CNTN5: variants seen among roughly 807,000 people sequenced by gnomAD.
CNTN5 encodes the protein contactin-5.
CNTN5 carries 77 observed loss-of-function variants against 129.1 expected under a neutral mutation model. That is an observed-to-expected ratio of 0.60 (90% confidence interval 0.50 to 0.72). The LOEUF is 0.72. CNTN5 is among the 30% of genes least tolerant of loss of function. The pLI, the probability that CNTN5 is intolerant of heterozygous loss-of-function variation, is 0.00. For synonymous variants in CNTN5, 509 were observed against 465.6 expected (o/e 1.09, Z -1.20); for missense variants, 1,478 against 1,328.8 (o/e 1.11, Z -1.75).
chr11:100,135,171 A>AAAG (rs1302009320), intron 13 of CNTN5, among the ~76,000 whole-genome samples: 4 of 146,144 alleles, frequency 2.7e-5, no homozygotes, highest in African/African-American at 1.0e-4. Context: ...GTTGGATATA[A>AAAG]AAGTGTTTTT....
At chr11:99,985,029 C>G (rs1392245404) in intron 8 of CNTN5, among the ~76,000 whole-genome samples, 1 of 152,122 alleles carries the variant, frequency 6.6e-6, no homozygotes, top group Non-Finnish European at 1.5e-5. Context: ...AGGGTGCCTG[C>G]AACGGTGAAG....
chr11:99,396,471 T>C (rs1283292480), intron 2 of CNTN5, among the ~76,000 whole-genome samples: 1 of 151,622 alleles, frequency 6.6e-6, no homozygotes, highest in Non-Finnish European at 1.5e-5. Flanking sequence ...CCTGTTTTTA[T>C]AAACCCCAGT....
chr11:100,129,965 G>A (rs944712034), intron 13 of CNTN5, among the ~76,000 whole-genome samples: 2 of 152,022 alleles, frequency 1.3e-5, no homozygotes, highest in Admixed American at 1.3e-4. Context: ...AACCTGATTA[G>A]TACAACTTTC....
intron 1 of CNTN5, among the ~76,000 whole-genome samples, chr11:99,243,672 C>T (rs1187181972): frequency 6.6e-6 from 1 of 150,488 alleles, no homozygotes; most frequent in Non-Finnish European, 1.5e-5. Flanking sequence ...TTTTATTCTT[C>T]TGCATATAGT....
In CNTN5 at chr11:99,582,851, G is replaced by T. The variant is rs1268724068; in HGVS notation, c.55+26582G>T. Among the ~76,000 whole-genome samples the T allele has an allele frequency of 2.0e-5, 3 of 152,154 alleles. 1 individual carries two copies. On this transcript the variant is annotated intron_variant, in intron 3 of 24. Transcript: ENST00000524871. ...TCAAAGTCATTCCCTGTCCAGCTTTGTTCCATTGCTGGTGAGGAGCTGTGT... is the reference window on the plus strand; with the variant it reads ...TCAAAGTCATTCCCTGTCCAGCTTTTTTCCATTGCTGGTGAGGAGCTGTGT...
intron 3 of CNTN5, among the ~76,000 whole-genome samples, chr11:99,662,277 G>A (rs1391776665): frequency 6.6e-6 from 1 of 152,074 alleles, no homozygotes; most frequent in Non-Finnish European, 1.5e-5. Context: ...TGACTAATAA[G>A]GGGGGATTGA....
intron 2 of CNTN5, among the ~76,000 whole-genome samples, chr11:99,425,725 G>C (rs7481294): frequency 0.86 from 131,375 of 152,232 alleles, 56,779 homozygotes; most frequent in East Asian, 0.94. Context: ...CAGGGATGCC[G>C]AGGTCTGCAG....
intron 3 of CNTN5, among the ~76,000 whole-genome samples, chr11:99,650,163 CTT>C (rs1952100980): frequency 6.6e-6 from 1 of 151,830 alleles, no homozygotes; most frequent in Non-Finnish European, 1.5e-5. Flanking sequence ...CAAGTTGAAT[CTT>C]AATATTACAG....
intron 15 of CNTN5, among the ~76,000 whole-genome samples, chr11:100,203,923 C>A (rs1162187644): frequency 6.6e-6 from 1 of 151,604 alleles, no homozygotes; most frequent in Non-Finnish European, 1.5e-5. Context: ...CATAATAATT[C>A]TCTGAAAATA....
intron 2 of CNTN5, among the ~76,000 whole-genome samples, chr11:99,377,367 A>T (rs1940247139): frequency 6.6e-6 from 1 of 152,086 alleles, no homozygotes; most frequent in Non-Finnish European, 1.5e-5. Context: ...TTAAAAGTCT[A>T]TGAAATTGTT....
chr11:99,064,852 A>C, intron 1 of CNTN5, among the ~76,000 whole-genome samples: 1 of 152,154 alleles, frequency 6.6e-6, no homozygotes, highest in Non-Finnish European at 1.5e-5. Context: ...TATTTTTATT[A>C]AAAATTACCT....
At chr11:100,354,288 T>C (rs1952478534) in intron 24 of CNTN5, among the ~76,000 whole-genome samples, 1 of 151,676 alleles carries the variant, frequency 6.6e-6, no homozygotes, top group Admixed American at 6.6e-5. Flanking sequence ...GAAGAACCAC[T>C]CCTGATGTTA....
At chr11:99,710,524 T>C (rs1954931360) in intron 3 of CNTN5, among the ~76,000 whole-genome samples, 2 of 151,594 alleles carry the variant, frequency 1.3e-5, no homozygotes, top group South Asian at 4.2e-4. Context: ...GCATGGCCCC[T>C]ACTGCAGAGT....
intron 1 of CNTN5, among the ~76,000 whole-genome samples, chr11:99,228,548 A>G (rs79452193): frequency 0.017 from 2,656 of 152,238 alleles, 43 homozygotes; most frequent in African/African-American, 0.038. Flanking sequence ...AATACCTTGA[A>G]TCGATCATTA....
At chr11:99,471,964 G>A (rs573277526) in intron 2 of CNTN5, among the ~76,000 whole-genome samples, 2 of 151,944 alleles carry the variant, frequency 1.3e-5, no homozygotes, top group Admixed American at 1.3e-4. Context: ...TATGTCACAG[G>A]GACCAAGATA....
At chr11:100,355,303 C>A (rs542813306) in intron 24 of CNTN5, among the ~76,000 whole-genome samples, 1 of 151,624 alleles carries the variant, frequency 6.6e-6, no homozygotes, top group Non-Finnish European at 1.5e-5. Context: ...ATCAGTCTTC[C>A]ATCTCCACAT....
intron 1 of CNTN5, among the ~76,000 whole-genome samples, chr11:99,088,739 A>G (rs1224132367): frequency 6.6e-6 from 1 of 152,184 alleles, no homozygotes; most frequent in African/African-American, 2.4e-5. Context: ...GGGAAAAAAG[A>G]AATCACTGCA....
At chr11:100,177,414 A>G (rs1197711491) in intron 13 of CNTN5, among the ~76,000 whole-genome samples, 3 of 152,068 alleles carry the variant, frequency 2.0e-5, no homozygotes, top group African/African-American at 7.2e-5. Flanking sequence ...GTGGTACCTG[A>G]GGGTAGGAAC....
chr11:99,723,795 T>C (rs1943250513), intron 3 of CNTN5, among the ~76,000 whole-genome samples: 1 of 151,438 alleles, frequency 6.6e-6, no homozygotes, highest in African/African-American at 2.4e-5. Flanking sequence ...TGCGCACGCG[T>C]GTGTGTTTTG....
Sources: allele counts gnomAD v4.1 joint callset (sites outside exome capture counted in the v4.1 genomes callset), GRCh38; gene constraint gnomAD v4.1.1; transcripts MANE v1.5; gene names NCBI Gene and HGNC (gene_info 2026-07-23, HGNC 2026-07-21).